ZNF536: variants seen among roughly 807,000 people sequenced by gnomAD.
The protein encoded by ZNF536 is zinc finger protein 536.
ZNF536 carries 13 observed loss-of-function variants against 84.5 expected under a neutral mutation model. The observed-to-expected ratio is 0.15, with a 90% CI of 0.10 to 0.24. ZNF536 has a LOEUF of 0.24. ZNF536 is among the 10% of genes least tolerant of loss of function. ZNF536 has a pLI of 1.00. For synonymous variants in ZNF536, 811 were observed against 742.5 expected (o/e 1.09, Z -1.50); for missense variants, 1,536 against 1,747.5 (o/e 0.88, Z 2.16).
At chr19:30,560,716 G>GGAA (rs1444239541), downstream of ZNF536, among the ~76,000 whole-genome samples, 2 of 152,196 alleles carry the variant, frequency 1.3e-5, no homozygotes, top group Non-Finnish European at 2.9e-5. Context: ...ACACATGTTC[G>GGAA]GAAGTGTGTT....
chr19:30,623,480 A>G (rs913954642), intron 1 of ZNF536, among the ~76,000 whole-genome samples: 1 of 152,192 alleles, frequency 6.6e-6, no homozygotes, highest in Non-Finnish European at 1.5e-5. Flanking sequence ...GAGTCTTGCT[A>G]TCTCTTGGCT....
At chr19:30,696,582 CCA>C (rs1357182636) in intron 1 of ZNF536, among the ~76,000 whole-genome samples, 1 of 152,216 alleles carries the variant, frequency 6.6e-6, no homozygotes, top group African/African-American at 2.4e-5. Flanking sequence ...GCCTGACCAC[CCA>C]GGCGGGCTGA....
chr19:30,510,117 C>G (rs954195127), intron 2 of ZNF536, among the ~76,000 whole-genome samples: 1 of 151,136 alleles, frequency 6.6e-6, no homozygotes, highest in Non-Finnish European at 1.5e-5. Context: ...TTCAGCATAG[C>G]TTTTTTTTTA....
chr19:30,625,013 AG>A (rs1319548881), intron 1 of ZNF536, among the ~76,000 whole-genome samples: 2 of 152,312 alleles, frequency 1.3e-5, no homozygotes, highest in East Asian at 3.9e-4. Context: ...CCAGCCATGC[AG>A]AACTGTGAGT....
At chr19:30,342,822 C>G (rs1287932383) in intron 2 of ZNF536, among the ~76,000 whole-genome samples, 1 of 152,142 alleles carries the variant, frequency 6.6e-6, no homozygotes, top group African/African-American at 2.4e-5. Flanking sequence ...ATAAAGTTGC[C>G]AAGCACAGCA....
intron 2 of ZNF536, among the ~76,000 whole-genome samples, chr19:30,519,549 T>C (rs919778780): frequency 1.9e-4 from 29 of 152,214 alleles, no homozygotes; most frequent in Middle Eastern, 3.4e-3. Context: ...GACACCAGAT[T>C]CCCCACGTCC....
chr19:30,329,633 C>T lies in ZNF536; in HGVS notation c.-119-22735C>T, dbSNP rs529509523. On this transcript the variant is annotated intron_variant, in intron 2 of 5. Transcript: ENST00000585628. Reference sequence around the variant, plus strand: ...TATCTTTTGCAAAGATAGTTCCAGACCTTGGAAAGCCCAGGCGTGATACAG... The same window carrying T: ...TATCTTTTGCAAAGATAGTTCCAGATCTTGGAAAGCCCAGGCGTGATACAG... Among the ~76,000 whole-genome samples, 4 of 152,274 alleles carry T rather than the reference C, an allele frequency of 2.6e-5. No individual in the cohort carries two copies. In the South Asian group the frequency reaches 6.2e-4, roughly 24 times the overall value.
intron 1 of ZNF536, among the ~76,000 whole-genome samples, chr19:30,656,825 C>T (rs2049932569): frequency 6.6e-6 from 1 of 152,186 alleles, no homozygotes; most frequent in African/African-American, 2.4e-5. Context: ...GATGTTTCTG[C>T]TCTGCACGGG....
At chr19:30,347,250 A>G (rs986756536) in intron 2 of ZNF536, among the ~76,000 whole-genome samples, 13 of 152,230 alleles carry the variant, frequency 8.5e-5, no homozygotes, top group African/African-American at 3.1e-4. Flanking sequence ...GTCATTTAAA[A>G]TAGAGAATGT....
At chr19:30,649,656 C>A (rs964155142) in intron 1 of ZNF536, among the ~76,000 whole-genome samples, 2 of 151,554 alleles carry the variant, frequency 1.3e-5, no homozygotes, top group African/African-American at 2.4e-5. Context: ...CAGCCAGTAG[C>A]CCCTTTGGGG....
rs2146259128 is a variant in ZNF536, at chr19:30,549,488, G to C, written c.3869G>C (p.Gly1290Ala). 6.6e-7 allele frequency: 1 copy of C among 1,514,926 alleles called. No individual in the cohort carries two copies. The highest frequency in any genetic ancestry group is 1.3e-5 in the South Asian group (1 of 74,832). The allele number at this position is 1,514,926 out of a possible 1,614,324, so 93.8% of individuals were successfully genotyped here. The change falls in exon 4 of 5, where the codon GGA (glycine) becomes GCA (alanine). Residue 1290 changes from glycine to alanine, a missense_variant. Physicochemically the swap from Gly to Ala is moderately conservative, Grantham distance 60. Around this residue, in one of 8 missense-constraint regions of ZNF536, gnomAD observed 624 missense variants for 603.1 expected, o/e 1.03. Coordinates refer to ENST00000355537, the MANE Select transcript of ZNF536 (RefSeq NM_014717.3). The part of the protein sequence containing the change: ...NGLASSTANS[G>A]CIKRPDLCGK ...CTTGCAAGTAGCACAGCAAATTCTG[G>C]ATGTATCAAGAGGCCAGACTTGTGT... is the stretch of plus-strand genomic sequence containing the variant.
At position 30,301,312 on chromosome 19, in the gene ZNF536, G is replaced by A. The variant is rs180678640; in HGVS notation, c.-120+17171G>A. ...GTCTGAGGAAATAGGAAGCTGAGGT[G>A]CGTGCACTGTGCCTCTGAGCCTCAG... On this transcript the variant is annotated intron_variant, in intron 2 of 5. Coordinates refer to the ZNF536 transcript ENST00000585628. Among the ~76,000 whole-genome samples, 5 of 152,314 alleles carry A rather than the reference G, an allele frequency of 3.3e-5. No homozygotes were observed. The East Asian group carries it at 9.7e-4, about 29-fold the overall frequency.
intron 1 of ZNF536, among the ~76,000 whole-genome samples, chr19:30,667,949 C>T (rs761657092): frequency 2.0e-5 from 3 of 152,058 alleles, no homozygotes; most frequent in Non-Finnish European, 2.9e-5. Context: ...AGTAACTTGT[C>T]TAAGGTCACA....
intron 1 of ZNF536, among the ~76,000 whole-genome samples, chr19:30,242,798 A>T (rs2024027045): frequency 6.6e-6 from 1 of 152,202 alleles, no homozygotes; most frequent in South Asian, 2.1e-4. Flanking sequence ...TGGCCTTCCG[A>T]TTCGTTACTT....
chr19:30,297,112 G>T (rs1215608138), intron 2 of ZNF536, among the ~76,000 whole-genome samples: 1 of 152,160 alleles, frequency 6.6e-6, no homozygotes, highest in East Asian at 1.9e-4. Flanking sequence ...TCCTCCAAGA[G>T]ATTTTCAAAA....
chr19:30,623,179 T>A (rs1022331743), intron 1 of ZNF536, among the ~76,000 whole-genome samples: 1 of 152,012 alleles, frequency 6.6e-6, no homozygotes, highest in Non-Finnish European at 1.5e-5. Context: ...GACTGCACCT[T>A]CAAAATACAG....
intron 1 of ZNF536, among the ~76,000 whole-genome samples, chr19:30,250,022 T>A (rs2024515704): frequency 1.3e-5 from 2 of 152,238 alleles, no homozygotes; most frequent in Admixed American, 1.3e-4. Context: ...TTAAAAGCAA[T>A]TCAGGACCCA....
intron 3 of ZNF536, among the ~76,000 whole-genome samples, chr19:30,366,271 T>G (rs1174120895): frequency 6.6e-6 from 1 of 152,122 alleles, no homozygotes. Flanking sequence ...CTCTTGAGAG[T>G]GGGCACCATG....
rs548972267 is a variant in ZNF536 at position 30,530,376 on chromosome 19, C to T, written c.2171-4471C>T. ...TGTTGTTGTTTTTGAGATGGAGTTT[C>T]GCTCTTGTTGCCCAGGCTGGAGTGC... On this transcript the variant is annotated intron_variant, in intron 2 of 4. Transcript: ENST00000355537. Among the ~76,000 whole-genome samples the T allele has an allele frequency of 1.7e-4, 25 of 150,674 alleles. 1 individual carries two copies. The South Asian group carries it at 4.6e-3, about 28-fold the overall frequency.
Sources: gnomAD v4.1 joint callset for allele counts (sites outside exome capture counted in the v4.1 genomes callset) on GRCh38, gnomAD v4.1.1 for gene constraint, gnomAD v4.1.1 regional missense constraint, MANE v1.5 for transcripts, NCBI Gene and HGNC (gene_info 2026-07-23, HGNC 2026-07-21) for gene names.